CNTNAP2: variants seen among roughly 807,000 people sequenced by gnomAD.
The protein encoded by CNTNAP2 is contactin associated protein 2.
In CNTNAP2, 98 loss-of-function variants were observed where a neutral mutation model predicts 155.2. The ratio of observed to expected loss-of-function variants is 0.63; its 90% confidence interval spans 0.54 to 0.75. CNTNAP2 has a LOEUF of 0.75. Among genes scored for constraint, CNTNAP2 ranks in the 30% least tolerant of loss-of-function variants. CNTNAP2 has a pLI of 0.00. For synonymous variants in CNTNAP2, 651 were observed against 631.2 expected (o/e 1.03, Z -0.47); for missense variants, 1,727 against 1,688.1 (o/e 1.02, Z -0.40).
At chr7:147,564,102 C>T (rs190242674) in intron 12 of CNTNAP2, among the ~76,000 whole-genome samples, 55 of 152,008 alleles carry the variant, frequency 3.6e-4, no homozygotes, top group Middle Eastern at 3.4e-3. Flanking sequence ...CCCGGAGGTT[C>T]GAGGCTGCAG....
At chr7:147,893,831 A>G (rs1381488773) in intron 13 of CNTNAP2, among the ~76,000 whole-genome samples, 2 of 152,206 alleles carry the variant, frequency 1.3e-5, no homozygotes, top group Non-Finnish European at 2.9e-5. Context: ...TTCCACATGT[A>G]AAAGAAGAGG....
intron 15 of CNTNAP2, among the ~76,000 whole-genome samples, chr7:148,101,396 G>A (rs1804097431): frequency 6.8e-6 from 1 of 146,394 alleles, no homozygotes; most frequent in Non-Finnish European, 1.5e-5. Flanking sequence ...TGTGTGTGGT[G>A]TTCTACTTGA....
intron 4 of CNTNAP2, among the ~76,000 whole-genome samples, chr7:147,054,922 A>G (rs1799531237): frequency 6.6e-6 from 1 of 152,172 alleles, no homozygotes; most frequent in East Asian, 1.9e-4. Context: ...TAAATGAAGC[A>G]TGTATATTTT....
chr7:146,837,492 A>G (rs967634759), intron 2 of CNTNAP2, among the ~76,000 whole-genome samples: 1 of 152,136 alleles, frequency 6.6e-6, no homozygotes, highest in Non-Finnish European at 1.5e-5. Context: ...ATTAATAATT[A>G]CTGTTTTTAA....
rs1297830160 is a variant in CNTNAP2 at position 147,700,728 on chromosome 7, A to G, written c.2098+61422A>G. Among the ~76,000 whole-genome samples the G allele has an allele frequency of 2.0e-5, 3 of 152,226 alleles. No homozygotes were observed. The East Asian group carries it at 5.8e-4, about 29-fold the overall frequency. On this transcript the variant is annotated intron_variant, in intron 13 of 23. Coordinates refer to ENST00000361727, the MANE Select transcript of CNTNAP2 (RefSeq NM_014141.6). The stretch of plus-strand genomic sequence containing the variant: ...TGAAGAAAGTGCCAGCCTCCAAATG[A>G]AAAGCTGATATAAGAGTGGTGTGAA...
intron 4 of CNTNAP2, chr7:147,081,985 C>A (rs1030205885): frequency 6.6e-6 from 1 of 151,870 alleles, no homozygotes; most frequent in Admixed American, 6.6e-5. Flanking sequence ...TTTTTGGATC[C>A]GAATAATAAT....
chr7:146,699,932 C>T (rs1348498853), intron 1 of CNTNAP2, among the ~76,000 whole-genome samples: 2 of 152,144 alleles, frequency 1.3e-5, no homozygotes, highest in African/African-American at 4.8e-5. Flanking sequence ...TGTGCCACTA[C>T]ACTCCAGCCT....
intron 13 of CNTNAP2, among the ~76,000 whole-genome samples, chr7:147,651,514 G>A (rs1004714687): frequency 6.6e-6 from 1 of 152,148 alleles, no homozygotes; most frequent in Non-Finnish European, 1.5e-5. Context: ...TCTATTTCTA[G>A]AATAGCAATG....
intron 3 of CNTNAP2, among the ~76,000 whole-genome samples, chr7:146,841,558 G>A (rs1427923221): frequency 6.6e-6 from 1 of 151,840 alleles, no homozygotes; most frequent in African/African-American, 2.4e-5. Flanking sequence ...TGCTTGAGGG[G>A]TTTACTTTCT....
intron 16 of CNTNAP2, chr7:148,133,949 G>GC (rs1804885450): frequency 6.6e-6 from 1 of 152,176 alleles, no homozygotes; most frequent in African/African-American, 2.4e-5. Flanking sequence ...AGAGAAAACA[G>GC]CATAGGCAAA....
At chr7:147,167,430 C>T in intron 8 of CNTNAP2, 3 of 1,346,752 alleles carry the variant, frequency 2.2e-6, no homozygotes, top group Non-Finnish European at 2.1e-6. Context: ...TGCTAGGAAG[C>T]TCATTGGAGA....
chr7:148,265,550 C>G (rs934959784), intron 20 of CNTNAP2, among the ~76,000 whole-genome samples: 2 of 152,228 alleles, frequency 1.3e-5, no homozygotes, highest in African/African-American at 4.8e-5. Flanking sequence ...GCTGGGATTA[C>G]AGGCATGAGC....
At chr7:147,476,329 T>C (rs1048515635) in intron 10 of CNTNAP2, among the ~76,000 whole-genome samples, 2 of 151,884 alleles carry the variant, frequency 1.3e-5, no homozygotes, top group African/African-American at 4.8e-5. Flanking sequence ...ATGGTCTCAA[T>C]CTGCTGACCT....
intron 13 of CNTNAP2, among the ~76,000 whole-genome samples, chr7:147,725,840 G>T (rs750102058): frequency 6.6e-6 from 1 of 152,000 alleles, no homozygotes; most frequent in Non-Finnish European, 1.5e-5. Flanking sequence ...AGCTGCTATA[G>T]GCCTCTTTTC....
intron 3 of CNTNAP2, among the ~76,000 whole-genome samples, chr7:146,968,784 G>T (rs1284580154): frequency 6.6e-6 from 1 of 150,804 alleles, no homozygotes; most frequent in Non-Finnish European, 1.5e-5. Context: ...TTAATTTTTT[G>T]AAGGGTTTTT....
intron 14 of CNTNAP2, among the ~76,000 whole-genome samples, chr7:147,945,868 C>CTTTT (rs34305612): frequency 2.4e-5 from 3 of 123,362 alleles, no homozygotes; most frequent in Non-Finnish European, 3.3e-5. Context: ...TTTTCTTTTT[C>CTTTT]TTTTTTTTTT....
At chr7:146,248,273 G>A (rs1038483591) in intron 1 of CNTNAP2, among the ~76,000 whole-genome samples, 4 of 152,076 alleles carry the variant, frequency 2.6e-5, no homozygotes, top group Non-Finnish European at 4.4e-5. Context: ...AGAAGGGGTT[G>A]GGGGTTTCTT....
chr7:146,930,305 T>C (rs28890277), intron 3 of CNTNAP2, among the ~76,000 whole-genome samples: 2,413 of 152,084 alleles, frequency 0.016, 66 homozygotes, highest in African/African-American at 0.055. Flanking sequence ...AAGAAAAGAA[T>C]TTTCAACCCA....
Position 147,903,631 on chromosome 7 carries a change from G to A in CNTNAP2, c.2165G>A (p.Gly722Glu), listed in dbSNP as rs1225363303. Residue 722 changes from glycine (G) to glutamate (E), a missense_variant, in exon 14 of 24, where the codon GGG becomes GAG. Coordinates refer to ENST00000361727, the MANE Select transcript of CNTNAP2 (RefSeq NM_014141.6). ...AAGCACTACTACTGGGGAGGCTCTGGGCCTGGAATCCAGAAATGTGCCTGC... is the reference window on the plus strand; with the variant it reads ...AAGCACTACTACTGGGGAGGCTCTGAGCCTGGAATCCAGAAATGTGCCTGC... ...NEKHYYWGGS[G>E]PGIQKCACGI... 1.2e-6 allele frequency: 2 copies of A among 1,614,112 alleles called. No homozygotes were observed. Among genetic ancestry groups the A allele is most frequent in the East Asian group, 4.5e-5 (2 of 44,858 alleles).
Sources: allele counts gnomAD v4.1 joint callset (sites outside exome capture counted in the v4.1 genomes callset), GRCh38; gene constraint gnomAD v4.1.1; transcripts MANE v1.5; gene names NCBI Gene and HGNC (gene_info 2026-07-23, HGNC 2026-07-21).